Variants in SORL1 observed in about 807,000 individuals in gnomAD.
The protein encoded by SORL1 is sortilin-related receptor.
SORL1 carries 127 observed loss-of-function variants against 273.7 expected under a neutral mutation model. That is an observed-to-expected ratio of 0.46 (90% confidence interval 0.40 to 0.54). The LOEUF (loss-of-function observed/expected upper bound fraction) is 0.54, where lower values mean the gene tolerates loss of function less well. SORL1 is among the 20% of genes least tolerant of loss of function. SORL1 has a pLI of 0.00. For synonymous variants in SORL1, 1,031 were observed against 1,067.4 expected (o/e 0.97, Z 0.66); for missense variants, 2,494 against 2,846.1 (o/e 0.88, Z 2.81).
At chr11:121,552,362 C>T (rs540647697) in intron 16 of SORL1, among the ~76,000 whole-genome samples, 59 of 152,322 alleles carry the variant, frequency 3.9e-4, no homozygotes, top group African/African-American at 1.3e-3. Context: ...TTAAGCATTG[C>T]GCGCTGGAAT....
intron 1 of SORL1, among the ~76,000 whole-genome samples, chr11:121,468,905 T>C (rs1384885348): frequency 6.6e-6 from 1 of 152,238 alleles, no homozygotes; most frequent in African/African-American, 2.4e-5. Flanking sequence ...TGAGATGATA[T>C]GCTTCCTCAG....
chr11:121,533,112 C>T (rs562116161), intron 12 of SORL1, among the ~76,000 whole-genome samples: 8 of 152,012 alleles, frequency 5.3e-5, no homozygotes, highest in Non-Finnish European at 1.0e-4. Flanking sequence ...TTTAATTTGT[C>T]CTTCTTTGCT....
intron 2 of SORL1, among the ~76,000 whole-genome samples, chr11:121,477,447 C>T (rs1462125108): frequency 6.6e-6 from 1 of 152,212 alleles, no homozygotes; most frequent in African/African-American, 2.4e-5. Context: ...CCACATTCTC[C>T]CCCTTCTGGA....
Position 121,570,237 on chromosome 11 carries a change from G to A in SORL1, c.3304G>A (p.Asp1102Asn), listed in dbSNP as rs781196070. ...CATTTGGTGGTGTGACTTTGACAACGACTGTGGAGACATGAGCGATGAGAG... is the reference window on the plus strand; with the variant it reads ...CATTTGGTGGTGTGACTTTGACAACAACTGTGGAGACATGAGCGATGAGAG... ...NSIWWCDFDN[D>N]CGDMSDERNC... Residue 1102 changes from aspartate to asparagine, a missense_variant, in exon 23 of 48, where the codon GAC (aspartate) becomes AAC (asparagine). Asp to Asn is a conservative substitution (Grantham distance 23, BLOSUM62 1). Transcript: ENST00000260197. 3.7e-6 allele frequency: 6 copies of A among 1,613,776 alleles called. No individual in the cohort carries two copies. Among genetic ancestry groups the A allele is most frequent in the East Asian group, 2.2e-5 (1 of 44,890 alleles).
At chr11:121,547,710 C>G (rs1843980541) in intron 14 of SORL1, among the ~76,000 whole-genome samples, 1 of 151,970 alleles carries the variant, frequency 6.6e-6, no homozygotes, top group Admixed American at 6.6e-5. Flanking sequence ...GTTCCCCGCT[C>G]CACCCCTCCC....
Position 121,554,244 on chromosome 11 carries a change from G to A in SORL1, c.2439+135G>A, listed in dbSNP as rs1862545536. ...GTTACTCATCTCAGGGCTGACAGGT[G>A]AAAGTTTCCAGTCTTCTGTGTTAGT... On this transcript the variant is annotated intron_variant, in intron 17 of 47. Coordinates refer to ENST00000260197, the MANE Select transcript of SORL1 (RefSeq NM_003105.6). This position sits in a 1 kb window ranked among gnomAD's most constrained non-coding sequence, Gnocchi z 4.6. 2 of 718,476 alleles carry A rather than the reference G, an allele frequency of 2.8e-6. No homozygotes were observed. The highest frequency in any genetic ancestry group is 1.8e-5 in the African/African-American group (1 of 55,710). The allele number at this position is 718,476 out of a possible 1,614,324, so 44.5% of individuals were successfully genotyped here.
rs148278712 is a variant in SORL1, at chr11:121,567,033, G to A, written c.3143G>A (p.Ser1048Asn). 7.4e-6 allele frequency: 12 copies of A among 1,614,208 alleles called. No homozygotes were observed. In the Admixed American group the frequency reaches 1.5e-4, roughly 20 times the overall value. ...RSCRCPEDVS[S>N]SVLPSGDLMC... ...TGCAGGTGTCCAGAGGATGTGTCCA[G>A]CAGTGTGCTTCCATCAGGGGACCTG... The change falls in exon 22 of 48, where the codon AGC becomes AAC. Residue 1048 changes from serine to asparagine, a missense_variant. Transcript: ENST00000260197.
chr11:121,581,427 G>T (rs527774817), intron 25 of SORL1, among the ~76,000 whole-genome samples: 3 of 152,220 alleles, frequency 2.0e-5, no homozygotes, highest in Non-Finnish European at 4.4e-5. Flanking sequence ...TTCCACGATT[G>T]TTTACCACAC....
intron 30 of SORL1, chr11:121,590,393 G>A (rs931230653): frequency 1.1e-5 from 6 of 537,524 alleles, no homozygotes; most frequent in Non-Finnish European, 1.6e-5. Flanking sequence ...GCAGGGCAGA[G>A]TGAGAAGTCT....
chr11:121,552,147 G>T (rs182128552), intron 16 of SORL1, among the ~76,000 whole-genome samples: 74 of 152,250 alleles, frequency 4.9e-4, no homozygotes, highest in African/African-American at 1.6e-3. Flanking sequence ...AAAAAAAAAG[G>T]CATGGAATAG....
intron 10 of SORL1, 103 bp downstream of exon 10, chr11:121,522,806 G>A: frequency 2.2e-6 from 3 of 1,364,182 alleles, no homozygotes; most frequent in Non-Finnish European, 3.2e-6. Flanking sequence ...CACGCTTTGT[G>A]GTTTGAAAGC....
intron 11 of SORL1, among the ~76,000 whole-genome samples, chr11:121,525,788 C>T (rs1371124091): frequency 2.6e-5 from 4 of 152,172 alleles, no homozygotes; most frequent in African/African-American, 9.7e-5. Context: ...AGTGGCTCTG[C>T]CTATAATCCC....
chr11:121,524,023 C>T (rs1018894384), intron 11 of SORL1, among the ~76,000 whole-genome samples: 3 of 152,168 alleles, frequency 2.0e-5, no homozygotes, highest in East Asian at 3.9e-4. Flanking sequence ...CCATCCCTCC[C>T]GAGGAGAGAG....
At chr11:121,534,383 G>A (rs1304833069) in intron 12 of SORL1, among the ~76,000 whole-genome samples, 1 of 152,176 alleles carries the variant, frequency 6.6e-6, no homozygotes, top group Non-Finnish European at 1.5e-5. Flanking sequence ...AGCAAAACAT[G>A]ATCAGGAAAA....
At chr11:121,512,173 TA>T (rs1246587065) in intron 6 of SORL1, among the ~76,000 whole-genome samples, 1 of 152,186 alleles carries the variant, frequency 6.6e-6, no homozygotes, top group African/African-American at 2.4e-5. Flanking sequence ...TGAGTGTATA[TA>T]AAAAAATTTG....
chr11:121,453,856 G>C (rs1860856112), intron 1 of SORL1, among the ~76,000 whole-genome samples: 1 of 152,206 alleles, frequency 6.6e-6, no homozygotes, highest in South Asian at 2.1e-4. Context: ...ACCTTTGCTT[G>C]ACTGCAGTCA....
intron 14 of SORL1, among the ~76,000 whole-genome samples, chr11:121,549,718 A>G (rs929653235): frequency 1.4e-4 from 19 of 139,822 alleles, no homozygotes; most frequent in Non-Finnish European, 2.8e-4. Flanking sequence ...TTGATTTGGC[A>G]TGATGATTTT....
intron 38 of SORL1, chr11:121,609,030 G>A (rs1184638016): frequency 1.3e-5 from 2 of 152,222 alleles, no homozygotes; most frequent in African/African-American, 4.8e-5. Context: ...TGAGTGAATC[G>A]AAGCAGTTAA....
rs114331262 is a variant in SORL1, at chr11:121,452,568, G to A, written c.237G>A (p.Arg79=). 22,171 of 1,518,978 alleles carry A rather than the reference G, an allele frequency of 0.015. 266 individuals carry two copies. Among genetic ancestry groups the A allele is most frequent in the African/African-American group, 0.037 (2,609 of 69,752 alleles). The allele number at this position is 1,518,978 out of a possible 1,614,324, so 94.1% of individuals were successfully genotyped here. A position where few individuals can be genotyped will look rare whatever the true frequency, so the allele number is the denominator to read the frequency against. The change falls in exon 1 of 48, where the codon AGG becomes AGA. Residue 79 remains arginine (R), a synonymous_variant. Coordinates refer to ENST00000260197, the MANE Select transcript of SORL1 (RefSeq NM_003105.6). This position sits in a 1 kb window ranked among gnomAD's most constrained non-coding sequence, Gnocchi z 5.3. The part of the protein sequence containing the change: ...ASRADEKPLR[R]KRSAALQPEP... ...GCGCGGACGAGAAGCCGCTCCGGAG[G>A]AAACGGAGCGCTGCCCTGCAGCCCG...
Sources: gnomAD v4.1 joint callset for allele counts (sites outside exome capture counted in the v4.1 genomes callset) on GRCh38, gnomAD v4.1.1 for gene constraint, Gnocchi (gnomAD v3.1) non-coding constraint, MANE v1.5 for transcripts, NCBI Gene and HGNC (gene_info 2026-07-23, HGNC 2026-07-21) for gene names.